PDLIM2: variants seen among roughly 807,000 people sequenced by gnomAD.
PDLIM2 encodes the protein PDZ and LIM domain protein 2.
A neutral mutation model predicts 54.1 loss-of-function variants in PDLIM2; 51 were observed. The ratio of observed to expected loss-of-function variants is 0.94; its 90% CI spans 0.75 to 1.19. PDLIM2 has a LOEUF of 1.19. PDLIM2 is among the 50% of genes most tolerant of loss of function. The pLI, the probability that PDLIM2 is intolerant of heterozygous loss-of-function variation, is 0.00. For synonymous variants in PDLIM2, 398 were observed against 385.6 expected (o/e 1.03, Z -0.38); for missense variants, 912 against 874.0 (o/e 1.04, Z -0.55).
chr8:22,584,822 T>G, exon 4 of PDLIM2: 1 of 1,614,018 alleles, frequency 6.2e-7, no homozygotes, highest in Non-Finnish European at 8.5e-7. Flanking sequence ...CCTTCTCAGG[T>G]CTCAGGCTAC....
At chr8:22,584,203 G>C (rs886536944) in intron 3 of PDLIM2, among the ~76,000 whole-genome samples, 1 of 150,028 alleles carries the variant, frequency 6.7e-6, no homozygotes, top group East Asian at 1.9e-4. Context: ...TAGAGATGGG[G>C]TTTCACCTTG....
intron 9 of PDLIM2, chr8:22,593,293 C>T (rs1586930919): frequency 6.4e-6 from 1 of 157,326 alleles, no homozygotes; most frequent in Non-Finnish European, 1.4e-5. Flanking sequence ...AATCAAGTCT[C>T]GGGCCGGGTG....
downstream of PDLIM2, chr8:22,594,464 C>T (rs1800639575): frequency 1.9e-6 from 3 of 1,611,196 alleles, no homozygotes; most frequent in South Asian, 1.1e-5. Flanking sequence ...ATGGAAGGGC[C>T]TTGCCTCTTT....
chr8:22,591,587 C>G (rs763374251), exon 9 of PDLIM2: 3 of 1,613,550 alleles, frequency 1.9e-6, no homozygotes, highest in Admixed American at 3.3e-5. Flanking sequence ...TCACTGAGCC[C>G]CCAGTCCTCC....
intron 3 of PDLIM2, among the ~76,000 whole-genome samples, chr8:22,584,331 C>G (rs1800305631): frequency 6.6e-6 from 1 of 151,876 alleles, no homozygotes; most frequent in African/African-American, 2.4e-5. Context: ...TTTTTTGAGA[C>G]AGAATCTCGC....
chr8:22,580,653 A>T, exon 2 of PDLIM2: 3 of 1,614,014 alleles, frequency 1.9e-6, no homozygotes, highest in Non-Finnish European at 2.5e-6. Context: ...GGGCTTCCGT[A>T]TCACAGGGGG....
At chr8:22,583,882 AAAG>A (rs1361886435) in intron 3 of PDLIM2, among the ~76,000 whole-genome samples, 13 of 132,872 alleles carry the variant, frequency 9.8e-5, no homozygotes, top group African/African-American at 2.7e-4. Context: ...AAAAAAAAAA[AAAG>A]GGCAGGATAA....
downstream of PDLIM2, chr8:22,596,419 G>C (rs1053409485): frequency 2.0e-5 from 3 of 152,188 alleles, no homozygotes; most frequent in African/African-American, 7.2e-5. Flanking sequence ...CAATCAGCCC[G>C]GCTCGGGAGC....
Position 22,580,629 on chromosome 8 carries a change from G to A in PDLIM2, c.775G>A (p.Gly259Arg), listed in dbSNP as rs771333150. 12 of 1,614,040 alleles carry A rather than the reference G, an allele frequency of 7.4e-6. No individual in the cohort carries two copies. Among genetic ancestry groups the A allele is most frequent in the East Asian group, 2.2e-5 (1 of 44,876 alleles). Residue 259 changes from glycine (G) to arginine (R), a missense_variant, in exon 2 of 10, where the codon GGG becomes AGG. Physicochemically the swap from Gly to Arg is moderately radical, Grantham distance 125 (BLOSUM62 -2). Coordinates refer to ENST00000308354, the Ensembl canonical transcript of PDLIM2. ...TATGGCGTTGACGGTGGATGTGGCC[G>A]GGCCAGCGCCCTGGGGCTTCCGTAT...
chr8:22,591,219 G>A (rs1385366877), intron 8 of PDLIM2: 3 of 333,968 alleles, frequency 9.0e-6, no homozygotes, highest in Non-Finnish European at 1.1e-5. Context: ...GAGGCATTGC[G>A]CTCCTGTTGC....
chr8:22,580,348 C>A (rs1800151886), intron 1 of PDLIM2, 127 bp from the exon 1 acceptor site: 2 of 846,332 alleles, frequency 2.4e-6, no homozygotes, highest in Middle Eastern at 4.0e-4. Flanking sequence ...GCAGCCCCCT[C>A]CTGGGAGTCG....
intron 6 of PDLIM2, 25 bp downstream of exon 5, chr8:22,585,424 G>C: frequency 6.3e-7 from 1 of 1,586,926 alleles, no homozygotes; most frequent in Non-Finnish European, 8.6e-7. Flanking sequence ...GGGAGGACAG[G>C]CTGGAGGAAC....
chr8:22,579,568 CT>C, intron 1 of PDLIM2: 2 of 1,436,004 alleles, frequency 1.4e-6, no homozygotes, highest in Non-Finnish European at 1.8e-6. Flanking sequence ...GCCTCGGGGA[CT>C]GGGGTGGGGG....
intron 3 of PDLIM2, among the ~76,000 whole-genome samples, chr8:22,582,437 T>C (rs1167673816): frequency 6.6e-6 from 1 of 151,934 alleles, no homozygotes; most frequent in African/African-American, 2.4e-5. Flanking sequence ...AGGCTGAGGG[T>C]CTGGCAGCGG....
chr8:22,584,053 G>T (rs113254086), intron 3 of PDLIM2, among the ~76,000 whole-genome samples: 83 of 151,860 alleles, frequency 5.5e-4, no homozygotes, highest in Non-Finnish European at 1.0e-3. Context: ...CCAGCCTGGA[G>T]TGCAGTGGTA....
At chr8:22,589,512 C>CCCCCGCG in intron 7 of PDLIM2, 84 bp from the exon 7 acceptor site, 1 of 1,498,554 alleles carries the variant, frequency 6.7e-7, no homozygotes, top group Non-Finnish European at 9.1e-7. Flanking sequence ...CCCCCTCCCC[C>CCCCCGCG]ACGCTCTTCT....
chr8:22,583,854 GAAAAAAAAAA>G (rs530039600), intron 3 of PDLIM2, among the ~76,000 whole-genome samples: 13 of 79,116 alleles, frequency 1.6e-4, no homozygotes, highest in African/African-American at 6.5e-4. Flanking sequence ...AGGCAAAATA[GAAAAAAAAAA>G]AAAAAAAAAA....
chr8:22,579,523 C>G, exon 1 of PDLIM2: 3 of 1,490,738 alleles, frequency 2.0e-6, no homozygotes, highest in Non-Finnish European at 2.7e-6. Context: ...CTGACCGGCT[C>G]AAAGGTCTGG....
rs1800476914 is a variant in PDLIM2 at position 22,589,577 on chromosome 8, G to A, written c.1368-19G>A. ...CTCCGGCACGGGACCCTCATTCCTG[G>A]CTGCCTCCCACCCTGCAGCATGGAC... On this transcript the variant is annotated intron_variant, in intron 7 of 9. Transcript: ENST00000308354. 6.3e-7 allele frequency: 1 copy of A among 1,598,544 alleles called. No individual in the cohort carries two copies. The highest frequency in any genetic ancestry group is 8.5e-7 in the Non-Finnish European group (1 of 1,173,106).
Sources: gnomAD v4.1 joint callset for allele counts (sites outside exome capture counted in the v4.1 genomes callset) on GRCh38, gnomAD v4.1.1 for gene constraint, MANE v1.5 for transcripts, NCBI Gene and HGNC (gene_info 2026-07-23, HGNC 2026-07-21) for gene names.